Variants in EPB41L5 observed in about 807,000 individuals in gnomAD.
EPB41L5 encodes the protein band 4.1-like protein 5.
A neutral mutation model predicts 106.6 loss-of-function variants in EPB41L5; 55 were observed. The ratio of observed to expected loss-of-function variants is 0.52; its 90% CI spans 0.42 to 0.65. The LOEUF is 0.65. Among genes scored for constraint, EPB41L5 ranks in the 30% least tolerant of loss-of-function variants. EPB41L5 has a pLI of 0.00. For synonymous variants in EPB41L5, 297 were observed against 306.7 expected (o/e 0.97, Z 0.33); for missense variants, 871 against 882.1 (o/e 0.99, Z 0.16).
At chr2:120,061,610 C>G (rs1276416998) in intron 3 of EPB41L5, among the ~76,000 whole-genome samples, 1 of 152,054 alleles carries the variant, frequency 6.6e-6, no homozygotes, top group Non-Finnish European at 1.5e-5. Context: ...CCTCGGCCTC[C>G]CAAAGTGTTG....
At chr2:120,091,062 A>G (rs1683375682) in intron 12 of EPB41L5, among the ~76,000 whole-genome samples, 1 of 152,222 alleles carries the variant, frequency 6.6e-6, no homozygotes. Context: ...TGTGGAGTTA[A>G]TAGAAGTAGT....
At position 120,178,545 on chromosome 2, in the gene EPB41L5, G is replaced by A. The variant is rs1160923883; in HGVS notation, c.*3638G>A. On this transcript the variant is annotated 3_prime_UTR_variant, in exon 25 of 25. Transcript: ENST00000263713. ...GACCTGGGGTCTTCTGCAGACTGAAGAAGACACATTTCTAGATTATTTGTC... is the reference window on the plus strand; with the variant it reads ...GACCTGGGGTCTTCTGCAGACTGAAAAAGACACATTTCTAGATTATTTGTC... 6.6e-6 allele frequency: 1 copy of A among 152,212 alleles called. No individual in the cohort carries two copies. Among genetic ancestry groups the A allele is most frequent in the Non-Finnish European group, 1.5e-5 (1 of 68,048 alleles). The allele number at this position is 152,212 out of a possible 1,614,324, so 9.4% of individuals were successfully genotyped here.
At chr2:120,124,944 A>G (rs1404018241) in intron 16 of EPB41L5, among the ~76,000 whole-genome samples, 2 of 152,274 alleles carry the variant, frequency 1.3e-5, no homozygotes, top group African/African-American at 4.8e-5. Context: ...TTGTAAAAGT[A>G]CTTTTTCCTG....
chr2:120,023,053 T>A (rs1678047386), intron 2 of EPB41L5, among the ~76,000 whole-genome samples: 1 of 152,222 alleles, frequency 6.6e-6, no homozygotes, highest in African/African-American at 2.4e-5. Context: ...GTAAATTTGT[T>A]TAAGTTCCTT....
intron 11 of EPB41L5, among the ~76,000 whole-genome samples, chr2:120,087,455 C>G (rs1291797514): frequency 1.3e-5 from 2 of 152,144 alleles, no homozygotes; most frequent in Non-Finnish European, 2.9e-5. Flanking sequence ...AAAGTGTCTT[C>G]TTGTTTCCTC....
At chr2:120,042,147 GA>G in intron 3 of EPB41L5, 37 bp downstream of exon 3, 1 of 1,472,868 alleles carries the variant, frequency 6.8e-7, no homozygotes, top group Non-Finnish European at 9.5e-7. Context: ...AGCATAAGGA[GA>G]AGAAACAGGA....
At chr2:120,046,021 G>T (rs1467311852) in intron 3 of EPB41L5, among the ~76,000 whole-genome samples, 3 of 151,964 alleles carry the variant, frequency 2.0e-5, no homozygotes, top group Non-Finnish European at 4.4e-5. Flanking sequence ...GTATTCCTTG[G>T]TGTATATGTG....
chr2:120,173,017 C>T (rs1014759019), intron 24 of EPB41L5, among the ~76,000 whole-genome samples: 2 of 151,978 alleles, frequency 1.3e-5, no homozygotes, highest in Admixed American at 1.3e-4. Flanking sequence ...CGCTTAAGAC[C>T]GGGAGTTCAA....
At chr2:120,108,483 TA>T (rs1336756868) in intron 16 of EPB41L5, 2 of 152,180 alleles carry the variant, frequency 1.3e-5, no homozygotes, top group Non-Finnish European at 2.9e-5. Flanking sequence ...CAGACATGAC[TA>T]ATCATTGATA....
chr2:120,070,676 G>A (rs1010976269), intron 3 of EPB41L5, among the ~76,000 whole-genome samples: 3 of 152,154 alleles, frequency 2.0e-5, no homozygotes, highest in Non-Finnish European at 2.9e-5. Flanking sequence ...TGCAAGGCTG[G>A]TTCAACATAC....
intron 16 of EPB41L5, among the ~76,000 whole-genome samples, chr2:120,114,457 A>G (rs1684860747): frequency 6.6e-6 from 1 of 152,322 alleles, no homozygotes; most frequent in South Asian, 2.1e-4. Flanking sequence ...GGCTAATGTA[A>G]GTGTTCTGAG....
At chr2:120,034,225 C>T (rs923511872) in intron 2 of EPB41L5, among the ~76,000 whole-genome samples, 1 of 152,162 alleles carries the variant, frequency 6.6e-6, no homozygotes, top group Non-Finnish European at 1.5e-5. Flanking sequence ...GTTCTGAGGA[C>T]GCAGCTGTCT....
chr2:120,016,563 AT>A (rs1050789615), intron 1 of EPB41L5, among the ~76,000 whole-genome samples: 21 of 151,614 alleles, frequency 1.4e-4, no homozygotes, highest in Non-Finnish European at 2.9e-4. Context: ...ACAATATCTT[AT>A]TTTTTTTCAT....
At chr2:120,077,642 T>C (rs1682340935) in intron 9 of EPB41L5, among the ~76,000 whole-genome samples, 1 of 152,306 alleles carries the variant, frequency 6.6e-6, no homozygotes, top group Middle Eastern at 3.4e-3. Flanking sequence ...CTTCCTGTTA[T>C]ACGACTTACA....
chr2:120,073,999 T>C, intron 4 of EPB41L5, 101 bp from the exon 5 acceptor site: 1 of 845,244 alleles, frequency 1.2e-6, no homozygotes, highest in South Asian at 1.8e-5. Context: ...AAAAACCTCA[T>C]CTTTTGTCTC....
At chr2:120,052,952 G>A (rs1294576197) in intron 3 of EPB41L5, among the ~76,000 whole-genome samples, 1 of 152,006 alleles carries the variant, frequency 6.6e-6, no homozygotes, top group African/African-American at 2.4e-5. Context: ...TAGAAACCAG[G>A]CTATGATTAT....
At chr2:120,162,255 G>A (rs1007803117) in intron 21 of EPB41L5, among the ~76,000 whole-genome samples, 8 of 152,134 alleles carry the variant, frequency 5.3e-5, no homozygotes, top group Admixed American at 2.6e-4. Context: ...TGCCTTTTCT[G>A]TATCCACTCG....
chr2:120,074,348 CT>C (rs1682085015), intron 5 of EPB41L5, 170 bp downstream of exon 5: 8 of 551,082 alleles, frequency 1.5e-5, no homozygotes, highest in Non-Finnish European at 2.6e-5. Flanking sequence ...GTGTATGATT[CT>C]TTTCCTTTAG....
At chr2:120,130,029 C>T (rs1685625545) in intron 17 of EPB41L5, among the ~76,000 whole-genome samples, 1 of 151,862 alleles carries the variant, frequency 6.6e-6, no homozygotes, top group Non-Finnish European at 1.5e-5. Context: ...ACCTGTAATC[C>T]CAGCTACTTA....
Sources: gnomAD v4.1 joint callset for allele counts (sites outside exome capture counted in the v4.1 genomes callset) on GRCh38, gnomAD v4.1.1 for gene constraint, MANE v1.5 for transcripts, NCBI Gene and HGNC (gene_info 2026-07-23, HGNC 2026-07-21) for gene names.